Variants in CCSER1 observed in about 807,000 individuals in gnomAD.
The protein encoded by CCSER1 is coiled-coil serine rich protein 1, also known as serine-rich coiled-coil domain-containing protein 1.
A neutral mutation model predicts 82.0 loss-of-function variants in CCSER1; 41 were observed. That is an observed-to-expected ratio of 0.50 (90% CI 0.39 to 0.65). CCSER1 has a LOEUF of 0.65. Among genes scored for constraint, CCSER1 ranks in the 30% least tolerant of loss-of-function variants. CCSER1 has a pLI of 0.00. For missense variants in CCSER1, 1,119 were observed against 1,064.2 expected (o/e 1.05, Z -0.72); for synonymous variants, 414 against 383.9 (o/e 1.08, Z -0.92).
intron 5 of CCSER1, among the ~76,000 whole-genome samples, chr4:90,591,668 G>T (rs184911080): frequency 7.2e-5 from 11 of 152,092 alleles, no homozygotes; most frequent in Admixed American, 2.0e-4. Flanking sequence ...ATTTGACTCC[G>T]CAATCCCATT....
At chr4:91,232,141 A>C (rs1316010802) in intron 10 of CCSER1, among the ~76,000 whole-genome samples, 1 of 151,884 alleles carries the variant, frequency 6.6e-6, no homozygotes, top group Admixed American at 6.6e-5. Context: ...AAATTGCTAC[A>C]ACTTATACAG....
intron 4 of CCSER1, among the ~76,000 whole-genome samples, chr4:90,464,650 T>G (rs909155547): frequency 9.2e-5 from 14 of 152,192 alleles, no homozygotes; most frequent in African/African-American, 3.4e-4. Context: ...GCATATAGGT[T>G]TTTATGTTGT....
At chr4:91,393,171 G>A (rs1334880708) in intron 10 of CCSER1, among the ~76,000 whole-genome samples, 3 of 151,680 alleles carry the variant, frequency 2.0e-5, no homozygotes, top group South Asian at 4.2e-4. Context: ...CTTCTGTCTC[G>A]GTACTGATAT....
chr4:90,930,647 T>G (rs923931573), intron 9 of CCSER1, among the ~76,000 whole-genome samples: 1 of 151,206 alleles, frequency 6.6e-6, no homozygotes, highest in Admixed American at 6.6e-5. Context: ...AAAAAAGTCC[T>G]TACAGAAAGA....
intron 10 of CCSER1, among the ~76,000 whole-genome samples, chr4:91,375,396 G>T (rs1348605218): frequency 6.6e-6 from 1 of 152,102 alleles, no homozygotes; most frequent in Non-Finnish European, 1.5e-5. Context: ...AAATTTGAGA[G>T]GATCGGTTCC....
intron 6 of CCSER1, among the ~76,000 whole-genome samples, chr4:90,628,463 A>G (rs1723738909): frequency 6.6e-6 from 1 of 152,220 alleles, no homozygotes; most frequent in African/African-American, 2.4e-5. Flanking sequence ...TTAAAAAAGA[A>G]TAAATTGATC....
intron 10 of CCSER1, among the ~76,000 whole-genome samples, chr4:91,446,693 A>ATATATATATATATAT (rs1560679159): frequency 6.9e-6 from 1 of 144,280 alleles, no homozygotes; most frequent in African/African-American, 2.6e-5. Flanking sequence ...ATATATATAT[A>ATATATATATATATAT]ATAGTCCTGC....
intron 5 of CCSER1, among the ~76,000 whole-genome samples, chr4:90,580,205 A>T (rs1781273549): frequency 6.6e-6 from 1 of 152,176 alleles, no homozygotes; most frequent in South Asian, 2.1e-4. Context: ...ATTGTAAATG[A>T]TATTATCTGT....
At chr4:91,223,547 T>C (rs532670339) in intron 10 of CCSER1, among the ~76,000 whole-genome samples, 58 of 152,274 alleles carry the variant, frequency 3.8e-4, no homozygotes, top group African/African-American at 1.3e-3. Flanking sequence ...ACAGATGGCC[T>C]CAGAATACAT....
rs140892480 is a variant in CCSER1, at chr4:90,453,050, C to A, written c.1604-15184C>A. Among the ~76,000 whole-genome samples the A allele has an allele frequency of 8.4e-3, 1,272 of 152,250 alleles. 11 individuals carry two copies. The highest frequency in any genetic ancestry group is 0.034 in the Middle Eastern group (10 of 294). The stretch of plus-strand genomic sequence containing the variant: ...ATGTATACATATTGTAAAACTTTAA[C>A]CTGAGAATAAAGGAACTCAGAGAGA... On this transcript the variant is annotated intron_variant, in intron 4 of 10. Coordinates refer to ENST00000509176, the MANE Select transcript of CCSER1 (RefSeq NM_001145065.2).
intron 10 of CCSER1, among the ~76,000 whole-genome samples, chr4:91,422,873 T>G (rs929577440): frequency 1.3e-5 from 2 of 152,114 alleles, no homozygotes; most frequent in Non-Finnish European, 2.9e-5. Context: ...AATGGGTAAA[T>G]AATTTATATA....
intron 8 of CCSER1, among the ~76,000 whole-genome samples, chr4:90,920,481 GTCTC>G (rs1194642326): frequency 1.3e-5 from 2 of 151,848 alleles, no homozygotes; most frequent in African/African-American, 2.4e-5. Context: ...CTTTGTCATA[GTCTC>G]TCTGACTTCT....
rs1723136478 is a variant in CCSER1, at chr4:91,084,315, T to C, written c.2173-1635T>C. Among the ~76,000 whole-genome samples, 3 of 152,284 alleles carry C rather than the reference T, an allele frequency of 2.0e-5. No individual in the cohort carries two copies. The South Asian group carries it at 6.2e-4, about 32-fold the overall frequency. ...AGGCAGAAGAGAAGACAGTAATTAC[T>C]ATTTTGGGATATGCTGTGCCTGGCC... On this transcript the variant is annotated intron_variant, in intron 9 of 10. Transcript: ENST00000509176.
intron 7 of CCSER1, among the ~76,000 whole-genome samples, chr4:90,805,616 G>A (rs571829499): frequency 6.6e-6 from 1 of 151,910 alleles, no homozygotes; most frequent in African/African-American, 2.4e-5. Context: ...ACTAGCAAAG[G>A]GTTTATAGCT....
At chr4:90,658,413 C>T (rs1730125970) in intron 6 of CCSER1, among the ~76,000 whole-genome samples, 1 of 152,108 alleles carries the variant, frequency 6.6e-6, no homozygotes, top group South Asian at 2.1e-4. Context: ...GAAAGAAAAC[C>T]AGGAGTTTCC....
At chr4:90,733,056 A>G (rs1263149971) in intron 7 of CCSER1, among the ~76,000 whole-genome samples, 2 of 152,168 alleles carry the variant, frequency 1.3e-5, no homozygotes, top group East Asian at 3.9e-4. Context: ...TAGCAGTGGG[A>G]TTGCTGGATC....
At chr4:90,299,931 A>G (rs1028175586) in intron 1 of CCSER1, among the ~76,000 whole-genome samples, 1 of 151,912 alleles carries the variant, frequency 6.6e-6, no homozygotes, top group Non-Finnish European at 1.5e-5. Context: ...TTCTGCCATC[A>G]TTTTCTTAAT....
intron 10 of CCSER1, among the ~76,000 whole-genome samples, chr4:91,198,050 A>G (rs577330923): frequency 6.6e-6 from 1 of 152,314 alleles, no homozygotes; most frequent in East Asian, 1.9e-4. Context: ...TTTCATTTTA[A>G]AAGATCAATT....
At chr4:91,160,739 T>C (rs960132729) in intron 10 of CCSER1, among the ~76,000 whole-genome samples, 1 of 144,208 alleles carries the variant, frequency 6.9e-6, no homozygotes, top group African/African-American at 2.9e-5. Context: ...TTTTTGATGT[T>C]GTTGTTGTTG....
Sources: gnomAD v4.1 joint callset for allele counts (sites outside exome capture counted in the v4.1 genomes callset) on GRCh38, gnomAD v4.1.1 for gene constraint, MANE v1.5 for transcripts, NCBI Gene and HGNC (gene_info 2026-07-23, HGNC 2026-07-21) for gene names.